Variants in VPS13A observed in about 807,000 individuals in gnomAD.
VPS13A encodes vacuolar protein sorting 13 homolog A.
VPS13A carries 264 observed loss-of-function variants against 390.9 expected under a neutral mutation model. That is an observed-to-expected ratio of 0.68 (90% CI 0.61 to 0.75). VPS13A has a LOEUF of 0.75. VPS13A is among the 30% of genes least tolerant of loss of function. The probability of loss-of-function intolerance (pLI) is 0.00; values close to 1 mark genes in which losing one functional copy is unlikely to be tolerated. For missense variants in VPS13A, 3,409 were observed against 3,733.9 expected, an observed-to-expected ratio of 0.91 and a Z score of 2.27; for synonymous variants, 1,231 against 1,227.1, an observed-to-expected ratio of 1.00 and a Z score of -0.07.
At chr9:77,290,163 A>G (rs1827567686) in intron 31 of VPS13A, among the ~76,000 whole-genome samples, 1 of 152,136 alleles carries the variant, frequency 6.6e-6, no homozygotes, top group Non-Finnish European at 1.5e-5. Context: ...GAGCTGGGAA[A>G]AACCTTTATT....
intron 23 of VPS13A, among the ~76,000 whole-genome samples, chr9:77,265,054 C>T (rs887476275): frequency 1.1e-4 from 16 of 152,134 alleles, no homozygotes; most frequent in Middle Eastern, 3.2e-3. Flanking sequence ...TTGAGGTAAT[C>T]GTGTGGTTTT....
At chr9:77,322,226 A>T (rs1436190145) in intron 44 of VPS13A, among the ~76,000 whole-genome samples, 2 of 150,576 alleles carry the variant, frequency 1.3e-5, no homozygotes, top group African/African-American at 2.4e-5. Context: ...GCCTGTTGAG[A>T]TGAAGGTTTT....
chr9:77,314,240 AATG>A (rs1235544243), intron 36 of VPS13A, 121 bp downstream of exon 36: 2 of 1,142,896 alleles, frequency 1.7e-6, no homozygotes, highest in African/African-American at 3.1e-5. Context: ...CTCTGAGAAA[AATG>A]ATCTTTTTAC....
rs945074652 is a variant in VPS13A at position 77,339,110 on chromosome 9, G to A, written c.6379-406G>A. ...GAGGTAGTAGGGATTACTTATTTTG[G>A]ATTACCATCAGTTTTTGCCCACATT... On this transcript the variant is annotated intron_variant, in intron 47 of 71. Transcript: ENST00000360280. The A allele has an allele frequency of 1.4e-5, 3 of 211,122 alleles. No individual in the cohort carries two copies. In the South Asian group the frequency reaches 2.4e-4, roughly 17 times the overall value. The allele number at this position is 211,122 out of a possible 1,614,324, so 13.1% of individuals were successfully genotyped here. A position where few individuals can be genotyped will look rare whatever the true frequency, so the allele number is the denominator to read the frequency against.
intron 46 of VPS13A, among the ~76,000 whole-genome samples, chr9:77,334,341 A>G (rs1197230420): frequency 6.6e-6 from 1 of 152,048 alleles, no homozygotes; most frequent in Non-Finnish European, 1.5e-5. Flanking sequence ...TGTCTCAGAT[A>G]ATTTGATGTT....
At chr9:77,199,846 AT>A (rs1369702245) in intron 1 of VPS13A, 98 bp from the exon 2 acceptor site, 1 of 927,098 alleles carries the variant, frequency 1.1e-6, no homozygotes, top group African/African-American at 1.7e-5. Flanking sequence ...CACATTATTT[AT>A]ATATTTTTCC....
At chr9:77,233,888 T>A (rs1461354372) in intron 17 of VPS13A, among the ~76,000 whole-genome samples, 2 of 152,174 alleles carry the variant, frequency 1.3e-5, no homozygotes, top group Non-Finnish European at 2.9e-5. Flanking sequence ...AGTCCATATT[T>A]GTCTGTTACA....
intron 14 of VPS13A, 105 bp downstream of exon 14, chr9:77,226,093 T>G: frequency 1.9e-6 from 2 of 1,065,974 alleles, no homozygotes; most frequent in South Asian, 3.1e-5. Flanking sequence ...TTCCAAAAAG[T>G]GGTTCAATTT....
At chr9:77,414,655 G>A (rs943721960) in intron 71 of VPS13A, among the ~76,000 whole-genome samples, 1 of 151,554 alleles carries the variant, frequency 6.6e-6, no homozygotes, top group Non-Finnish European at 1.5e-5. Context: ...CGAGTTGATG[G>A]GTGCAGCACA....
intron 68 of VPS13A, chr9:77,390,231 G>T (rs1833848419): frequency 5.2e-6 from 3 of 581,268 alleles, no homozygotes; most frequent in Non-Finnish European, 6.5e-6. Context: ...CTTCTGAATG[G>T]GATGAGAACA....
intron 17 of VPS13A, among the ~76,000 whole-genome samples, chr9:77,228,605 T>C (rs1310505815): frequency 6.6e-6 from 1 of 152,194 alleles, no homozygotes; most frequent in Admixed American, 6.5e-5. Flanking sequence ...CTACAATTCA[T>C]TTAAAGTGTG....
intron 17 of VPS13A, among the ~76,000 whole-genome samples, chr9:77,228,516 G>A (rs967023066): frequency 6.6e-6 from 1 of 151,924 alleles, no homozygotes; most frequent in Non-Finnish European, 1.5e-5. Flanking sequence ...AAAAGAAACA[G>A]CATTAACAAT....
chr9:77,416,515 C>G lies in VPS13A; in HGVS notation c.*509C>G, dbSNP rs1835174464. ...TCTTCAGAATCATGAAGTTCTTTTG[C>G]CAGATAAATATTTTGATATTATTTT... On this transcript the variant is annotated 3_prime_UTR_variant, in exon 72 of 72. Coordinates refer to ENST00000360280, the MANE Select transcript of VPS13A (RefSeq NM_033305.3). 1 of 154,044 alleles carries G rather than the reference C, an allele frequency of 6.5e-6. No homozygotes were observed. The highest frequency in any genetic ancestry group is 3.4e-3 in the Middle Eastern group (1 of 294). The allele number at this position is 154,044 out of a possible 1,614,324, so 9.5% of individuals were successfully genotyped here.
At chr9:77,336,213 C>T (rs573621020) in intron 46 of VPS13A, among the ~76,000 whole-genome samples, 3 of 152,000 alleles carry the variant, frequency 2.0e-5, no homozygotes, top group East Asian at 1.9e-4. Context: ...TGGGGTGAGG[C>T]GCTAGGGGAG....
chr9:77,299,508 CAG>C (rs1828217940), intron 33 of VPS13A, among the ~76,000 whole-genome samples: 1 of 152,132 alleles, frequency 6.6e-6, no homozygotes, highest in African/African-American at 2.4e-5. Flanking sequence ...TTGTGGAAAA[CAG>C]TGTGGCGATT....
chr9:77,280,213 A>T lies in VPS13A; in HGVS notation c.2879A>T (p.Asp960Val), dbSNP rs1826938641. The change falls in exon 27 of 72, where the codon GAC becomes GTC. Residue 960 changes from aspartate to valine, a missense_variant. By Grantham distance (152) the Asp-to-Val change is radical. Around this residue, in one of 5 missense-constraint regions of VPS13A, gnomAD observed 2,717 missense variants for 2,917.4 expected, o/e 0.93. Transcript: ENST00000360280. ...ACAACCCTGGATAACACAATGGAAG[A>T]CCTGTTAACGCTGGAATATGTAAAG... ...LVTTLDNTME[D>V]LLTLEYVKAE... The T allele has an allele frequency of 6.2e-7, 1 of 1,612,780 alleles. No individual in the cohort carries two copies. Among genetic ancestry groups the T allele is most frequent in the Admixed American group, 1.7e-5 (1 of 59,994 alleles).
At chr9:77,237,056 AT>A (rs891227389) in intron 17 of VPS13A, among the ~76,000 whole-genome samples, 91 of 152,024 alleles carry the variant, frequency 6.0e-4, no homozygotes, top group African/African-American at 2.1e-3. Flanking sequence ...CACCCAGCTA[AT>A]TTTTGTATTT....
chr9:77,293,946 C>A (rs1827825300), intron 32 of VPS13A, among the ~76,000 whole-genome samples: 1 of 152,114 alleles, frequency 6.6e-6, no homozygotes, highest in African/African-American at 2.4e-5. Context: ...CTCTGTCACC[C>A]AGGCTGGAGT....
Position 77,381,643 on chromosome 9 carries a change from G to A in VPS13A, c.9078-333G>A, listed in dbSNP as rs764889948. 1.2e-4 allele frequency among the ~76,000 whole-genome samples: 19 copies of A among 152,034 alleles called. No individual in the cohort carries two copies. The East Asian group carries it at 1.7e-3, about 14-fold the overall frequency. ...CACAGAAAACTCTTAGAAGCTTTCC[G>A]TAGGGTCAGGAATGAGACAAGGATG... is the stretch of plus-strand genomic sequence containing the variant. On this transcript the variant is annotated intron_variant, in intron 67 of 71. Transcript: ENST00000360280.
Sources: gnomAD v4.1 joint callset for allele counts (sites outside exome capture counted in the v4.1 genomes callset) on GRCh38, gnomAD v4.1.1 for gene constraint, gnomAD v4.1.1 regional missense constraint, MANE v1.5 for transcripts, NCBI Gene and HGNC (gene_info 2026-07-23, HGNC 2026-07-21) for gene names.